The following PSMB7 variants were observed in gnomAD, a reference collection of about 807,000 sequenced individuals.
PSMB7 encodes the protein proteasome 20S subunit beta 7, also known as proteasome subunit beta type-7.
PSMB7 carries 5 observed loss-of-function variants against 28.1 expected under a neutral mutation model. That is an observed-to-expected ratio of 0.18 (90% confidence interval 0.09 to 0.37). The LOEUF is 0.37. Ranked by LOEUF, PSMB7 falls within the 10% of genes least tolerant of loss-of-function variation. The pLI is 1.00. For synonymous variants in PSMB7, 122 were observed against 123.7 expected (o/e 0.99, Z 0.09); for missense variants, 275 against 346.2 (o/e 0.79, Z 1.63).
At chr9:124,357,442 A>G (rs929054527) in intron 6 of PSMB7, among the ~76,000 whole-genome samples, 2 of 152,224 alleles carry the variant, frequency 1.3e-5, no homozygotes, top group Non-Finnish European at 2.9e-5. Context: ...TACTTGAGAA[A>G]GTCAGCACTG....
Position 124,414,857 on chromosome 9 carries a change from A to G in PSMB7, c.141T>C (p.Ala47=). The G allele has an allele frequency of 1.9e-6, 3 of 1,614,020 alleles. No individual in the cohort carries two copies. The highest frequency in any genetic ancestry group is 2.5e-6 in the Non-Finnish European group (3 of 1,179,956). ...PKVRKTGTTI[A]GVVYKDGIVL... The stretch of plus-strand genomic sequence containing the variant: ...CCCGGCTTACCTTATAGACCACCCC[A>G]GCGATGGTCGTGCCAGTTTTCCGGA... Residue 47 remains alanine, a synonymous_variant, in exon 2 of 8, where the codon GCT becomes GCC. Transcript: ENST00000259457.
intron 5 of PSMB7, among the ~76,000 whole-genome samples, chr9:124,398,276 G>A (rs1289707050): frequency 6.6e-6 from 1 of 151,862 alleles, no homozygotes; most frequent in African/African-American, 2.4e-5. Flanking sequence ...GGAGGGGAGG[G>A]GTGAAAGAAG....
chr9:124,409,735 T>C (rs1346624093), intron 4 of PSMB7, among the ~76,000 whole-genome samples: 1 of 152,194 alleles, frequency 6.6e-6, no homozygotes, highest in Non-Finnish European at 1.5e-5. Flanking sequence ...AGACAGAAAC[T>C]ATTATCCTCA....
chr9:124,358,946 C>T (rs942625535), intron 6 of PSMB7, among the ~76,000 whole-genome samples: 9 of 152,206 alleles, frequency 5.9e-5, no homozygotes, highest in African/African-American at 1.9e-4. Context: ...CGGAAATATA[C>T]GAATGACATG....
chr9:124,393,303 G>A (rs932047968), intron 5 of PSMB7, among the ~76,000 whole-genome samples: 2 of 152,180 alleles, frequency 1.3e-5, no homozygotes, highest in African/African-American at 2.4e-5. Context: ...GCTTCCCGGC[G>A]AGGCAAGCCA....
intron 5 of PSMB7, among the ~76,000 whole-genome samples, chr9:124,404,581 C>T (rs1185825063): frequency 6.6e-6 from 1 of 152,156 alleles, no homozygotes; most frequent in Non-Finnish European, 1.5e-5. Context: ...GGCAGAGTGG[C>T]TCATGCCTAT....
intron 7 of PSMB7, among the ~76,000 whole-genome samples, chr9:124,354,922 A>G (rs1354117977): frequency 6.6e-6 from 1 of 152,230 alleles, no homozygotes; most frequent in Non-Finnish European, 1.5e-5. Context: ...GCATGCATTC[A>G]GAGCTTCCGC....
intron 6 of PSMB7, among the ~76,000 whole-genome samples, chr9:124,378,306 AT>A (rs943458415): frequency 8.5e-5 from 13 of 152,158 alleles, no homozygotes; most frequent in Admixed American, 2.0e-4. Context: ...ATAAATGCTA[AT>A]TTTTTTTAAC....
intron 6 of PSMB7, chr9:124,384,329 G>T (rs778546829): frequency 1.5e-5 from 6 of 388,442 alleles, no homozygotes; most frequent in African/African-American, 1.2e-4. Flanking sequence ...CGTTACCACC[G>T]CATTTACAGT....
At chr9:124,406,458 C>T (rs760404182) in intron 4 of PSMB7, among the ~76,000 whole-genome samples, 12 of 147,110 alleles carry the variant, frequency 8.2e-5, no homozygotes, top group East Asian at 2.0e-4. Flanking sequence ...GCCATGTACA[C>T]GCCACTGCAC....
chr9:124,411,445 C>T (rs1167721031), intron 4 of PSMB7, among the ~76,000 whole-genome samples: 3 of 152,152 alleles, frequency 2.0e-5, no homozygotes, highest in African/African-American at 7.2e-5. Context: ...ACAACCACCC[C>T]ACTAGGGGCA....
chr9:124,366,947 C>T (rs1205168989), intron 6 of PSMB7, among the ~76,000 whole-genome samples: 1 of 152,222 alleles, frequency 6.6e-6, no homozygotes, highest in African/African-American at 2.4e-5. Flanking sequence ...ATGACATTCA[C>T]GTGATGACAA....
chr9:124,394,346 A>C (rs546779422), intron 5 of PSMB7, among the ~76,000 whole-genome samples: 53 of 152,354 alleles, frequency 3.5e-4, no homozygotes, highest in Non-Finnish European at 5.0e-4. Flanking sequence ...ACTAGGTCAT[A>C]AGCATATAAA....
chr9:124,386,125 T>G (rs1830716198), intron 5 of PSMB7, among the ~76,000 whole-genome samples: 1 of 148,250 alleles, frequency 6.7e-6, no homozygotes. Flanking sequence ...GATTTTCCCC[T>G]CCTCACAATT....
At chr9:124,370,468 C>G (rs1432761768) in intron 6 of PSMB7, among the ~76,000 whole-genome samples, 2 of 151,976 alleles carry the variant, frequency 1.3e-5, no homozygotes, top group Non-Finnish European at 2.9e-5. Flanking sequence ...CAAATATTGG[C>G]AGTTCCGTTT....
chr9:124,377,640 G>A (rs1830625285), intron 6 of PSMB7, among the ~76,000 whole-genome samples: 2 of 152,244 alleles, frequency 1.3e-5, no homozygotes, highest in Non-Finnish European at 2.9e-5. Flanking sequence ...TCACGCTTGT[G>A]AGGTAACCAC....
At chr9:124,399,842 TC>T (rs949447421) in intron 5 of PSMB7, among the ~76,000 whole-genome samples, 4 of 151,868 alleles carry the variant, frequency 2.6e-5, no homozygotes, top group African/African-American at 7.3e-5. Context: ...GGATGCAAGC[TC>T]CCTCCCTGCC....
At chr9:124,375,737 A>C (rs188811153) in intron 6 of PSMB7, among the ~76,000 whole-genome samples, 1 of 152,278 alleles carries the variant, frequency 6.6e-6, no homozygotes, top group East Asian at 1.9e-4. Flanking sequence ...TTAATTTTGC[A>C]TTTACTTAAA....
intron 7 of PSMB7, among the ~76,000 whole-genome samples, chr9:124,355,954 T>C (rs886726487): frequency 2.0e-5 from 3 of 152,086 alleles, no homozygotes; most frequent in African/African-American, 7.2e-5. Context: ...CTGCAGAAGG[T>C]GGTGCTCACT....
Sources: allele counts gnomAD v4.1 joint callset (sites outside exome capture counted in the v4.1 genomes callset), GRCh38; gene constraint gnomAD v4.1.1; transcripts MANE v1.5; gene names NCBI Gene and HGNC (gene_info 2026-07-23, HGNC 2026-07-21).